The following CPQ variants were observed in gnomAD, a reference collection of about 807,000 sequenced individuals.
CPQ encodes the protein carboxypeptidase Q.
CPQ carries 37 observed loss-of-function variants against 45.7 expected under a neutral mutation model. That is an observed-to-expected ratio of 0.81 (90% CI 0.62 to 1.07). CPQ has a LOEUF of 1.07. Among genes scored for constraint, CPQ ranks in the 50% least tolerant of loss-of-function variants. The pLI, the probability that CPQ is intolerant of heterozygous loss-of-function variation, is 0.00. For synonymous variants in CPQ, 186 were observed against 205.8 expected (o/e 0.90, Z 0.82); for missense variants, 537 against 572.9 (o/e 0.94, Z 0.64).
At chr8:96,937,577 T>G (rs528877216) in intron 4 of CPQ, among the ~76,000 whole-genome samples, 4 of 152,264 alleles carry the variant, frequency 2.6e-5, no homozygotes, top group Admixed American at 2.6e-4. Flanking sequence ...TGTATGAACA[T>G]GGTCAAGTGA....
intron 1 of CPQ, among the ~76,000 whole-genome samples, chr8:96,741,390 G>C (rs534296566): frequency 6.6e-6 from 1 of 151,892 alleles, no homozygotes; most frequent in Non-Finnish European, 1.5e-5. Flanking sequence ...TCTTGCTAGC[G>C]GTCTATCAAT....
chr8:97,045,534 A>T (rs538934989), intron 6 of CPQ, among the ~76,000 whole-genome samples: 2 of 152,148 alleles, frequency 1.3e-5, no homozygotes, highest in Non-Finnish European at 2.9e-5. Context: ...AGTGAGATGA[A>T]CCTGGTACCT....
intron 1 of CPQ, among the ~76,000 whole-genome samples, chr8:96,717,419 C>T (rs1809696428): frequency 6.6e-6 from 1 of 151,892 alleles, no homozygotes; most frequent in Admixed American, 6.6e-5. Context: ...GGTCTATGTG[C>T]CTATTTTTAT....
intron 5 of CPQ, among the ~76,000 whole-genome samples, chr8:96,981,547 T>G (rs1444537960): frequency 2.6e-5 from 4 of 152,202 alleles, no homozygotes; most frequent in Non-Finnish European, 5.9e-5. Context: ...AGTGTGAATT[T>G]ATCTTTTATA....
intron 5 of CPQ, among the ~76,000 whole-genome samples, chr8:97,012,144 G>A (rs1376685017): frequency 6.6e-6 from 1 of 152,104 alleles, no homozygotes; most frequent in Non-Finnish European, 1.5e-5. Flanking sequence ...TTGGTTCCTG[G>A]ACCAGGAATA....
intron 1 of CPQ, among the ~76,000 whole-genome samples, chr8:96,705,068 C>G (rs950719492): frequency 6.6e-6 from 1 of 152,054 alleles, no homozygotes; most frequent in Non-Finnish European, 1.5e-5. Flanking sequence ...GGAACTTCCT[C>G]TTTTAAAGAT....
At chr8:96,978,055 T>G (rs1350700036) in intron 5 of CPQ, among the ~76,000 whole-genome samples, 1 of 152,238 alleles carries the variant, frequency 6.6e-6, no homozygotes, top group Non-Finnish European at 1.5e-5. Flanking sequence ...ATGGGGCATC[T>G]GTGACTCCTC....
chr8:96,647,237 G>A (rs536494129), intron 1 of CPQ, among the ~76,000 whole-genome samples: 18 of 152,220 alleles, frequency 1.2e-4, no homozygotes, highest in African/African-American at 4.3e-4. Context: ...TGAAATTAAT[G>A]TTACCTACTT....
intron 4 of CPQ, among the ~76,000 whole-genome samples, chr8:96,910,168 T>G (rs1189825025): frequency 2.0e-5 from 3 of 152,044 alleles, no homozygotes; most frequent in African/African-American, 7.2e-5. Flanking sequence ...GTCTGTGGGG[T>G]TTTTTTCCCC....
At chr8:96,850,869 G>A (rs1811762156) in intron 3 of CPQ, among the ~76,000 whole-genome samples, 1 of 152,150 alleles carries the variant, frequency 6.6e-6, no homozygotes, top group Non-Finnish European at 1.5e-5. Flanking sequence ...CTCCCAAAGT[G>A]CTGGGATTAC....
At chr8:96,946,768 C>A (rs995913576) in intron 4 of CPQ, among the ~76,000 whole-genome samples, 6 of 152,106 alleles carry the variant, frequency 3.9e-5, no homozygotes, top group African/African-American at 1.4e-4. Flanking sequence ...CTCATTCTGA[C>A]CCTGTGGACT....
intron 3 of CPQ, among the ~76,000 whole-genome samples, chr8:96,852,802 C>T (rs1262203027): frequency 3.3e-5 from 5 of 152,162 alleles, no homozygotes; most frequent in South Asian, 4.1e-4. Context: ...CAGGCGGCCT[C>T]TCTGTCTCTC....
intron 1 of CPQ, among the ~76,000 whole-genome samples, chr8:96,708,957 T>C (rs1290525221): frequency 6.6e-6 from 1 of 152,186 alleles, no homozygotes; most frequent in Non-Finnish European, 1.5e-5. Context: ...CTTTTAAGTA[T>C]TTTACTTTTC....
chr8:96,712,828 C>T (rs951582160), intron 1 of CPQ, among the ~76,000 whole-genome samples: 2 of 151,908 alleles, frequency 1.3e-5, no homozygotes, highest in African/African-American at 4.8e-5. Context: ...ACATTTGGCC[C>T]CTTGTTACTT....
At chr8:96,658,267 G>A (rs1214340705) in intron 1 of CPQ, among the ~76,000 whole-genome samples, 2 of 152,146 alleles carry the variant, frequency 1.3e-5, no homozygotes, top group Admixed American at 6.5e-5. Flanking sequence ...AAATTTTAGG[G>A]TTTACAACTT....
chr8:96,822,233 C>CT (rs1563505679), intron 2 of CPQ, among the ~76,000 whole-genome samples: 1 of 151,916 alleles, frequency 6.6e-6, no homozygotes, highest in Non-Finnish European at 1.5e-5. Context: ...GACAATATTT[C>CT]TTTTTTTGGT....
chr8:97,072,417 G>A (rs1288967913), intron 7 of CPQ, among the ~76,000 whole-genome samples: 3 of 152,082 alleles, frequency 2.0e-5, no homozygotes, highest in African/African-American at 4.8e-5. Context: ...AGAAATCACC[G>A]CTAAATAACT....
intron 7 of CPQ, among the ~76,000 whole-genome samples, chr8:97,131,860 A>C (rs1811964317): frequency 6.6e-6 from 1 of 152,192 alleles, no homozygotes; most frequent in African/African-American, 2.4e-5. Context: ...TCCAAACAAT[A>C]ATACCAGTCC....
At chr8:96,752,218 G>T (rs1420558091) in intron 1 of CPQ, among the ~76,000 whole-genome samples, 1 of 152,102 alleles carries the variant, frequency 6.6e-6, no homozygotes, top group African/African-American at 2.4e-5. Context: ...ATTAGTTTGG[G>T]CAGTATGACC....
Sources: gnomAD v4.1 joint callset for allele counts (sites outside exome capture counted in the v4.1 genomes callset) on GRCh38, gnomAD v4.1.1 for gene constraint, MANE v1.5 for transcripts, NCBI Gene and HGNC (gene_info 2026-07-23, HGNC 2026-07-21) for gene names.